The following ANK3 variants were observed in gnomAD, a reference collection of about 807,000 sequenced individuals.
ANK3 encodes ankyrin-3.
In ANK3, 57 loss-of-function variants were observed where a neutral mutation model predicts 370.9. The observed-to-expected ratio is 0.15, with a 90% CI of 0.12 to 0.19. The LOEUF (loss-of-function observed/expected upper bound fraction) is 0.19. ANK3 is among the 10% of genes least tolerant of loss of function. The pLI, the probability that ANK3 is intolerant of heterozygous loss-of-function variation, is 1.00. For missense variants in ANK3, 4,439 were observed against 5,302.1 expected (o/e 0.84, Z 5.06); for synonymous variants, 1,929 against 1,946.3 (o/e 0.99, Z 0.23).
chr10:60,043,108 T>C (rs1470841105), intron 42 of ANK3: 1 of 1,031,816 alleles, frequency 9.7e-7, no homozygotes, highest in Non-Finnish European at 1.2e-6. Flanking sequence ...TCTGTTGCAA[T>C]GAGATTCAGA....
chr10:60,382,271 A>G (rs1436160608), intron 1 of ANK3, among the ~76,000 whole-genome samples: 2 of 152,020 alleles, frequency 1.3e-5, no homozygotes, highest in African/African-American at 4.8e-5. Context: ...TCCTGTGGTG[A>G]TGGTATTAGT....
chr10:60,310,198 T>G (rs1300141287), intron 1 of ANK3, among the ~76,000 whole-genome samples: 1 of 152,122 alleles, frequency 6.6e-6, no homozygotes, highest in Non-Finnish European at 1.5e-5. Flanking sequence ...GTGGTGGGAA[T>G]ATAGGTTTGA....
chr10:60,572,858 C>T, intron 2 of ANK3: 1 of 1,063,082 alleles, frequency 9.4e-7, no homozygotes, highest in Non-Finnish European at 1.1e-6. Flanking sequence ...GTTGCTTGTT[C>T]CTCCACAGTG....
intron 1 of ANK3, among the ~76,000 whole-genome samples, chr10:60,653,117 T>C (rs988932934): frequency 3.3e-5 from 5 of 152,290 alleles, no homozygotes; most frequent in African/African-American, 1.2e-4. Context: ...TCTGTTTTCT[T>C]AATATTTTTC....
chr10:60,126,053 C>T (rs1666613905), intron 25 of ANK3, among the ~76,000 whole-genome samples: 1 of 152,086 alleles, frequency 6.6e-6, no homozygotes, highest in African/African-American at 2.4e-5. Context: ...TATAATGAGG[C>T]CTCCAATATC....
intron 23 of ANK3, chr10:60,141,104 GGTT>G: frequency 2.3e-6 from 2 of 870,710 alleles, no homozygotes; most frequent in Non-Finnish European, 2.8e-6. Context: ...CTTGAGTTGA[GGTT>G]GTGAAACTGG....
chr10:60,707,198 A>AC (rs1221803084), intron 1 of ANK3, among the ~76,000 whole-genome samples: 8 of 152,186 alleles, frequency 5.3e-5, no homozygotes, highest in Admixed American at 6.5e-5. Context: ...ATTTTAGACT[A>AC]CAGATGTCCT....
intron 2 of ANK3, among the ~76,000 whole-genome samples, chr10:60,517,253 G>A (rs780383012): frequency 1.6e-4 from 24 of 152,036 alleles, no homozygotes; most frequent in Non-Finnish European, 3.2e-4. Context: ...TAGTAGAGTC[G>A]AGGTTTCCCA....
chr10:60,088,032 C>A, intron 29 of ANK3, 115 bp downstream of exon 29: 1 of 808,400 alleles, frequency 1.2e-6, no homozygotes. Flanking sequence ...AATGATTCCC[C>A]AAACGGCCTA....
At chr10:60,426,631 T>C (rs2063894080) in intron 2 of ANK3, among the ~76,000 whole-genome samples, 1 of 152,128 alleles carries the variant, frequency 6.6e-6, no homozygotes, top group Non-Finnish European at 1.5e-5. Flanking sequence ...TGTGCTAATA[T>C]GTAAGAAGTG....
intron 2 of ANK3, among the ~76,000 whole-genome samples, chr10:60,576,402 G>T (rs2077683465): frequency 6.6e-6 from 1 of 152,162 alleles, no homozygotes; most frequent in African/African-American, 2.4e-5. Context: ...TGCCATAGGA[G>T]AAATAACAGG....
intron 1 of ANK3, among the ~76,000 whole-genome samples, chr10:60,698,395 T>A (rs1234938140): frequency 6.6e-6 from 1 of 151,748 alleles, no homozygotes; most frequent in Non-Finnish European, 1.5e-5. Flanking sequence ...AGCCATCCCA[T>A]TACTGGGTAT....
intron 2 of ANK3, among the ~76,000 whole-genome samples, chr10:60,519,722 G>A (rs1420157832): frequency 2.0e-5 from 3 of 151,988 alleles, no homozygotes; most frequent in Admixed American, 6.6e-5. Context: ...GGGGACACTG[G>A]GCAAAAAGAA....
intron 23 of ANK3, among the ~76,000 whole-genome samples, chr10:60,152,628 T>C (rs2132253481): frequency 6.6e-6 from 1 of 152,342 alleles, no homozygotes. Flanking sequence ...GTATTTGTAC[T>C]ACTTTAAGGG....
At chr10:60,586,602 CT>C (rs2077835142) in intron 2 of ANK3, among the ~76,000 whole-genome samples, 1 of 152,148 alleles carries the variant, frequency 6.6e-6, no homozygotes, top group Admixed American at 6.5e-5. Context: ...GCAGAGACAG[CT>C]TGACATCCAA....
intron 1 of ANK3, among the ~76,000 whole-genome samples, chr10:60,628,547 A>C (rs2078440500): frequency 6.6e-6 from 1 of 152,200 alleles, no homozygotes; most frequent in Non-Finnish European, 1.5e-5. Context: ...ATAGCTTTAC[A>C]TGTCCCACGG....
chr10:60,199,745 C>G (rs1203730060), intron 13 of ANK3, among the ~76,000 whole-genome samples: 1 of 151,566 alleles, frequency 6.6e-6, no homozygotes, highest in Non-Finnish European at 1.5e-5. Flanking sequence ...TGACAGCTGA[C>G]TTATAAGTCA....
At position 60,152,184 on chromosome 10, in the gene ANK3, A is replaced by G. The variant is rs142870258; in HGVS notation, c.2615-13097T>C. On this transcript the variant is annotated intron_variant, in intron 23 of 43. Coordinates refer to ENST00000280772, the MANE Select transcript of ANK3 (RefSeq NM_020987.5). Reference sequence around the variant, plus strand: ...GGACAACTCTGATCCTATGGCACTGACTAGTCTAGTTTGAAAGAAAATATA... The same window carrying G: ...GGACAACTCTGATCCTATGGCACTGGCTAGTCTAGTTTGAAAGAAAATATA... 2.1e-4 allele frequency among the ~76,000 whole-genome samples: 32 copies of G among 152,322 alleles called. 1 individual carries two copies. In the East Asian group the frequency reaches 5.4e-3, roughly 26 times the overall value.
chr10:60,451,919 A>T (rs900396313), intron 2 of ANK3, among the ~76,000 whole-genome samples: 2 of 151,626 alleles, frequency 1.3e-5, no homozygotes, highest in African/African-American at 4.9e-5. Flanking sequence ...GACACTGAAC[A>T]TACCCTGGAG....
Sources: gnomAD v4.1 joint callset for allele counts (sites outside exome capture counted in the v4.1 genomes callset) on GRCh38, gnomAD v4.1.1 for gene constraint, MANE v1.5 for transcripts, NCBI Gene and HGNC (gene_info 2026-07-23, HGNC 2026-07-21) for gene names.